Variants in NSG1 observed in about 807,000 individuals in gnomAD.
NSG1 encodes the protein neuronal vesicle trafficking associated 1.
A neutral mutation model predicts 19.3 loss-of-function variants in NSG1; 9 were observed. That is an observed-to-expected ratio of 0.47 (90% CI 0.28 to 0.81). The LOEUF is 0.81. NSG1 is among the 40% of genes least tolerant of loss of function. The probability of loss-of-function intolerance (pLI) is 0.11; values close to 1 mark genes in which losing one functional copy is unlikely to be tolerated. For synonymous variants in NSG1, 104 were observed against 107.0 expected (o/e 0.97, Z 0.17); for missense variants, 236 against 242.4 (o/e 0.97, Z 0.18).
chr4:4,391,636 A>G (rs1346502909), intron 3 of NSG1, 45 bp downstream of exon 3: 1 of 1,355,402 alleles, frequency 7.4e-7, no homozygotes, highest in Admixed American at 2.0e-5. Context: ...TGCCCCCAGA[A>G]GGGGTCTGCT....
intron 2 of NSG1, among the ~76,000 whole-genome samples, chr4:4,388,258 C>T (rs974865286): frequency 6.6e-6 from 1 of 152,344 alleles, no homozygotes; most frequent in South Asian, 2.1e-4. Flanking sequence ...CTGCCCCTGC[C>T]AGGCTGGCGC....
At chr4:4,387,561 C>CCCGGGGGGGGT in intron 1 of NSG1, 43 bp from the exon 2 acceptor site, 1 of 1,141,992 alleles carries the variant, frequency 8.8e-7, no homozygotes. Flanking sequence ...CGCCCCGCCC[C>CCCGGGGGGGGT]GGGTCTTGCT....
chr4:4,387,561 C>CCGGGGTG, intron 1 of NSG1, 43 bp from the exon 2 acceptor site: 1 of 1,141,990 alleles, frequency 8.8e-7, no homozygotes, highest in Non-Finnish European at 1.2e-6. Flanking sequence ...CGCCCCGCCC[C>CCGGGGTG]GGGTCTTGCT....
In NSG1 at chr4:4,410,362, C is replaced by T. The variant is rs893091357; in HGVS notation, c.357+679C>T. Among the ~76,000 whole-genome samples the T allele has an allele frequency of 3.3e-5, 5 of 152,332 alleles. No homozygotes were observed. The East Asian group carries it at 5.8e-4, about 18-fold the overall frequency. On this transcript the variant is annotated intron_variant, in intron 4 of 4. Transcript: ENST00000621129. The stretch of plus-strand genomic sequence containing the variant: ...AAGAGAAGACGGAGCCAGGGGAGGC[C>T]TGGCCACGCATCACTTAGTGACGGG...
intron 4 of NSG1, among the ~76,000 whole-genome samples, chr4:4,414,719 A>C (rs1724421514): frequency 6.6e-6 from 1 of 152,142 alleles, no homozygotes; most frequent in Non-Finnish European, 1.5e-5. Flanking sequence ...GTGGAGCCCA[A>C]GGTCACGCCC....
chr4:4,418,410 C>T lies in NSG1; in HGVS notation c.*975C>T, dbSNP rs1408715925. 1.4e-5 allele frequency: 2 copies of T among 147,806 alleles called. No homozygotes were observed. Among genetic ancestry groups the T allele is most frequent in the Non-Finnish European group, 3.0e-5 (2 of 67,454 alleles). 9.2% of individuals were successfully genotyped at this position (147,806 alleles called of 1,614,324 possible). On this transcript the variant is annotated 3_prime_UTR_variant, in exon 5 of 5. Coordinates refer to ENST00000621129, the MANE Select transcript of NSG1 (RefSeq NM_014392.5). ...AACTGATATCCCTTGATGTGGGAAA[C>T]AGGCAGGAAAGGCTGTGGGGTGGGG...
chr4:4,401,224 A>G (rs1292830843), intron 3 of NSG1, among the ~76,000 whole-genome samples: 1 of 152,218 alleles, frequency 6.6e-6, no homozygotes, highest in Non-Finnish European at 1.5e-5. Context: ...TGTAATACAC[A>G]CATGCATGCA....
At chr4:4,387,456 C>T (rs1722780812) in intron 1 of NSG1, 148 bp from the exon 2 acceptor site, 1 of 605,786 alleles carries the variant, frequency 1.7e-6, no homozygotes, top group Admixed American at 3.1e-5. Flanking sequence ...CGGGCCGTGA[C>T]CACCGCGTCC....
At chr4:4,391,710 G>A (rs543385045) in intron 3 of NSG1, 119 bp downstream of exon 3, 1 of 581,836 alleles carries the variant, frequency 1.7e-6, no homozygotes, top group Non-Finnish European at 3.1e-6. Context: ...GCTCATCCCA[G>A]CTGTGCACAC....
chr4:4,392,321 A>G (rs974316814), intron 3 of NSG1, among the ~76,000 whole-genome samples: 4 of 152,088 alleles, frequency 2.6e-5, no homozygotes, highest in African/African-American at 9.7e-5. Context: ...TTTGGGAAAC[A>G]TGAGAGAGAG....
chr4:4,409,490 G>T lies in NSG1; in HGVS notation c.247-83G>T, dbSNP rs898036639. 956 of 977,818 alleles carry T rather than the reference G, an allele frequency of 9.8e-4. 3 individuals are homozygous for T. The highest frequency in any genetic ancestry group is 6.0e-4 in the Non-Finnish European group (362 of 606,308). 60.6% of individuals were successfully genotyped at this position (977,818 alleles called of 1,614,324 possible). A position where few individuals can be genotyped will look rare whatever the true frequency, so the allele number is the denominator to read the frequency against. On this transcript the variant is annotated intron_variant, in intron 3 of 4. Transcript: ENST00000621129. ...AGATAGTCTCTGCACATGCTGTGTG[G>T]GGGGGGGCCTTCGTGTGCGGGTGTG...
At chr4:4,402,448 C>T (rs1316852200) in intron 3 of NSG1, among the ~76,000 whole-genome samples, 2 of 123,538 alleles carry the variant, frequency 1.6e-5, no homozygotes, top group Admixed American at 1.2e-4. Flanking sequence ...AGTGCAGTGG[C>T]GGGATCTCGG....
chr4:4,414,932 A>G (rs1724437188), intron 4 of NSG1, among the ~76,000 whole-genome samples: 1 of 151,734 alleles, frequency 6.6e-6, no homozygotes. Flanking sequence ...AGAGGACACT[A>G]GGTTTCTACC....
rs145966604 is a variant in NSG1, at chr4:4,394,415, C to A, written c.246+2824C>A. ...CTTGTGTCTTTCTGAGTCCTGGTTT[C>A]CACGCTCCCTTCCCCCAGGTGCTCT... On this transcript the variant is annotated intron_variant, in intron 3 of 4. Transcript: ENST00000621129. 2.1e-3 allele frequency among the ~76,000 whole-genome samples: 313 copies of A among 152,224 alleles called. 3 individuals carry two copies. Among genetic ancestry groups the A allele is most frequent in the African/African-American group, 7.3e-3 (304 of 41,524 alleles).
rs2108759968 is a variant in NSG1, at chr4:4,417,312, A to T, written c.435A>T (p.Thr145=). 2 of 1,614,166 alleles carry T rather than the reference A, an allele frequency of 1.2e-6. No homozygotes were observed. Among genetic ancestry groups the T allele is most frequent in the Non-Finnish European group, 1.7e-6 (2 of 1,180,048 alleles). ...QDSSAREKFY[T]VINHYNLAKQ... Reference sequence around the variant, plus strand: ...CCAGTGCCCGGGAGAAATTTTACACAGTCATAAACCACTACAACCTGGCCA... The same window carrying T: ...CCAGTGCCCGGGAGAAATTTTACACTGTCATAAACCACTACAACCTGGCCA... The change falls in exon 5 of 5, where the codon ACA becomes ACT. Residue 145 remains threonine (T), a synonymous_variant. Transcript: ENST00000621129.
chr4:4,413,633 C>T (rs1724351723), intron 4 of NSG1, among the ~76,000 whole-genome samples: 1 of 151,326 alleles, frequency 6.6e-6, no homozygotes, highest in Admixed American at 6.6e-5. Context: ...GGGGGCTAGC[C>T]ACAGGCACAG....
intron 3 of NSG1, among the ~76,000 whole-genome samples, chr4:4,401,540 G>C (rs1271290801): frequency 6.6e-6 from 1 of 152,100 alleles, no homozygotes; most frequent in Non-Finnish European, 1.5e-5. Flanking sequence ...TCCTCCTTTG[G>C]GACATGGACA....
At chr4:4,409,767 TC>T in intron 4 of NSG1, 84 bp downstream of exon 4, 2 of 1,125,096 alleles carry the variant, frequency 1.8e-6, no homozygotes, top group East Asian at 4.8e-5. Context: ...GCTCCTGCCG[TC>T]TCCCCCAGCT....
intron 3 of NSG1, among the ~76,000 whole-genome samples, chr4:4,408,826 G>C (rs1429634866): frequency 6.6e-6 from 1 of 152,162 alleles, no homozygotes; most frequent in Non-Finnish European, 1.5e-5. Flanking sequence ...GTGCCTTCAA[G>C]GTCCAGGTCC....
Sources: allele counts gnomAD v4.1 joint callset (sites outside exome capture counted in the v4.1 genomes callset), GRCh38; gene constraint gnomAD v4.1.1; transcripts MANE v1.5; gene names NCBI Gene and HGNC (gene_info 2026-07-23, HGNC 2026-07-21).